The following LIN28B variants were observed in gnomAD, a reference collection of about 807,000 sequenced individuals.
LIN28B encodes protein lin-28 homolog B.
Under a neutral mutation model 21.9 loss-of-function variants are expected in LIN28B, and 5 were observed. The ratio of observed to expected loss-of-function variants is 0.23; its 90% confidence interval spans 0.12 to 0.48. The LOEUF is 0.48. Among genes scored for constraint, LIN28B ranks in the 20% least tolerant of loss-of-function variants. LIN28B has a pLI of 0.98. For missense variants in LIN28B, 245 were observed against 310.5 expected (o/e 0.79, Z 1.58); for synonymous variants, 109 against 111.3 (o/e 0.98, Z 0.13).
chr6:105,024,029 C>A (rs1430482569), intron 2 of LIN28B, among the ~76,000 whole-genome samples: 1 of 151,900 alleles, frequency 6.6e-6, no homozygotes, highest in Non-Finnish European at 1.5e-5. Context: ...ATTGCCCAGG[C>A]TGGAGTGCAG....
chr6:104,939,056 A>T (rs936512952), intron 2 of LIN28B, among the ~76,000 whole-genome samples: 4 of 151,776 alleles, frequency 2.6e-5, no homozygotes, highest in African/African-American at 7.3e-5. Context: ...CATAGCTATT[A>T]AAAAAAACAG....
chr6:104,993,325 T>C (rs905556865), intron 2 of LIN28B, among the ~76,000 whole-genome samples: 1 of 152,002 alleles, frequency 6.6e-6, no homozygotes, highest in African/African-American at 2.4e-5. Flanking sequence ...AAAAATTAGC[T>C]GGGCATGGTG....
chr6:104,986,852 A>G (rs1416385556), intron 2 of LIN28B, among the ~76,000 whole-genome samples: 4 of 152,336 alleles, frequency 2.6e-5, no homozygotes, highest in South Asian at 4.1e-4. Flanking sequence ...AATTTTGCCT[A>G]CTACCCTCAT....
At chr6:105,021,621 C>T (rs1237029083) in intron 2 of LIN28B, among the ~76,000 whole-genome samples, 1 of 152,122 alleles carries the variant, frequency 6.6e-6, no homozygotes, top group Non-Finnish European at 1.5e-5. Flanking sequence ...TTTTCATACA[C>T]CTGTTGGCCA....
At chr6:105,019,456 G>T (rs1201570749) in intron 2 of LIN28B, among the ~76,000 whole-genome samples, 1 of 152,166 alleles carries the variant, frequency 6.6e-6, no homozygotes, top group Non-Finnish European at 1.5e-5. Context: ...CTTTAGAGAA[G>T]GGCCTCATAT....
intron 3 of LIN28B, among the ~76,000 whole-genome samples, chr6:105,073,942 A>G (rs1272998538): frequency 2.0e-5 from 3 of 152,218 alleles, no homozygotes; most frequent in Non-Finnish European, 4.4e-5. Context: ...AAAAAATGCA[A>G]ACATTTTTAA....
At chr6:104,954,750 C>G (rs1159005215), upstream of LIN28B, among the ~76,000 whole-genome samples, 3 of 152,106 alleles carry the variant, frequency 2.0e-5, no homozygotes, top group Non-Finnish European at 4.4e-5. Context: ...CTGGAGGCCC[C>G]CAATCAGGCA....
intron 3 of LIN28B, among the ~76,000 whole-genome samples, chr6:105,037,366 C>G (rs532204657): frequency 2.6e-5 from 4 of 152,112 alleles, no homozygotes; most frequent in Admixed American, 6.5e-5. Context: ...ATTTGAAGAG[C>G]TTATATAAAG....
intron 2 of LIN28B, among the ~76,000 whole-genome samples, chr6:105,023,628 T>TTATATATATAATATATA (rs1771219668): frequency 2.1e-5 from 1 of 46,592 alleles, no homozygotes; most frequent in Non-Finnish European, 4.0e-5. Context: ...TATTATATAT[T>TTATATATATAATATATA]TTATATATAT....
Position 104,983,966 on chromosome 6 carries a change from C to T in LIN28B, c.198+25680C>T, listed in dbSNP as rs538044496. ...TATTTTCAATTTATGTACTTATGGA[C>T]TATGACAAGTAAGTCACGAACAATT... On this transcript the variant is annotated intron_variant, in intron 2 of 3. Coordinates refer to ENST00000345080, the MANE Select transcript of LIN28B (RefSeq NM_001004317.4). Among the ~76,000 whole-genome samples, 78 of 152,290 alleles carry T rather than the reference C, an allele frequency of 5.1e-4. 2 individuals are homozygous for T. Among genetic ancestry groups the T allele is most frequent in the African/African-American group, 1.8e-3 (73 of 41,550 alleles).
At chr6:104,937,199 G>GT (rs1778019182) in intron 2 of LIN28B, 1 of 152,148 alleles carries the variant, frequency 6.6e-6, no homozygotes, top group South Asian at 2.1e-4. Context: ...GAGTTCAGTG[G>GT]TGCGATCTTA....
At chr6:105,055,616 C>G (rs1012975926) in intron 3 of LIN28B, among the ~76,000 whole-genome samples, 1 of 152,128 alleles carries the variant, frequency 6.6e-6, no homozygotes, top group Non-Finnish European at 1.5e-5. Context: ...TCAGTTTGTG[C>G]TATTTCCTTA....
chr6:105,036,393 T>G (rs1771522647), intron 3 of LIN28B, among the ~76,000 whole-genome samples: 1 of 152,236 alleles, frequency 6.6e-6, no homozygotes, highest in Admixed American at 6.5e-5. Flanking sequence ...TTCTGTATTT[T>G]TAATTCTATC....
Position 105,020,927 on chromosome 6 carries a change from T to A in LIN28B, c.199-5371T>A, listed in dbSNP as rs566441220. The stretch of plus-strand genomic sequence containing the variant: ...ACCACCACGCCCGGCTAATTTTTTT[T>A]TGTATTTTTAGTAGAAATGGGGTTT... On this transcript the variant is annotated intron_variant, in intron 2 of 3. Transcript: ENST00000345080. Among the ~76,000 whole-genome samples the A allele has an allele frequency of 3.3e-5, 5 of 151,898 alleles. No individual in the cohort carries two copies. In the East Asian group the frequency reaches 9.7e-4, roughly 30 times the overall value.
chr6:105,076,669 G>A (rs1050075468), intron 3 of LIN28B, among the ~76,000 whole-genome samples: 4 of 151,844 alleles, frequency 2.6e-5, no homozygotes, highest in East Asian at 2.0e-4. Context: ...GTGCAGTGGC[G>A]CAATCTCGGC....
intron 2 of LIN28B, among the ~76,000 whole-genome samples, chr6:104,973,533 T>TC (rs913010384): frequency 2.6e-5 from 4 of 151,824 alleles, no homozygotes; most frequent in African/African-American, 9.7e-5. Flanking sequence ...TTTTTCCTCC[T>TC]CCCCCCACTC....
chr6:105,018,016 T>C (rs537258953), intron 2 of LIN28B, among the ~76,000 whole-genome samples: 3 of 152,344 alleles, frequency 2.0e-5, no homozygotes, highest in Admixed American at 1.3e-4. Flanking sequence ...CTCATGCCTG[T>C]AATCCCAACA....
intron 2 of LIN28B, among the ~76,000 whole-genome samples, chr6:104,984,636 A>T (rs1036672363): frequency 7.2e-5 from 11 of 151,968 alleles, no homozygotes; most frequent in African/African-American, 2.4e-4. Context: ...GGGTCTCATT[A>T]TGTTGACCAG....
intron 2 of LIN28B, among the ~76,000 whole-genome samples, chr6:104,972,430 T>C (rs1031321042): frequency 6.6e-6 from 1 of 152,150 alleles, no homozygotes; most frequent in African/African-American, 2.4e-5. Context: ...AAGTTGAGGG[T>C]TTTCCCCTTT....
Sources: allele counts gnomAD v4.1 joint callset (sites outside exome capture counted in the v4.1 genomes callset), GRCh38; gene constraint gnomAD v4.1.1; transcripts MANE v1.5; gene names NCBI Gene and HGNC (gene_info 2026-07-23, HGNC 2026-07-21).